Variants in METTL16 observed in about 807,000 individuals in gnomAD.
METTL16 encodes the protein RNA N(6)-adenosine-methyltransferase METTL16.
A neutral mutation model predicts 57.9 loss-of-function variants in METTL16; 19 were observed. The ratio of observed to expected loss-of-function variants is 0.33; its 90% CI spans 0.23 to 0.48. The LOEUF is 0.48. Ranked by LOEUF, METTL16 falls within the 20% of genes least tolerant of loss-of-function variation. The pLI, the probability that METTL16 is intolerant of heterozygous loss-of-function variation, is 0.99. For missense variants in METTL16, 434 were observed against 691.5 expected (o/e 0.63, Z 4.18); for synonymous variants, 246 against 255.6 (o/e 0.96, Z 0.36).
At chr17:2,491,737 T>C (rs958295981) in intron 2 of METTL16, among the ~76,000 whole-genome samples, 1 of 148,480 alleles carries the variant, frequency 6.7e-6, no homozygotes, top group Non-Finnish European at 1.5e-5. Context: ...TAGCCAGGCG[T>C]GGTGGTGGGA....
At chr17:2,429,320 A>G (rs190619903) in intron 8 of METTL16, among the ~76,000 whole-genome samples, 1 of 148,960 alleles carries the variant, frequency 6.7e-6, no homozygotes, top group Non-Finnish European at 1.5e-5. Context: ...TCCCAAGTAG[A>G]TGGGACTACA....
At chr17:2,488,664 A>G (rs2067361558) in intron 2 of METTL16, among the ~76,000 whole-genome samples, 1 of 152,230 alleles carries the variant, frequency 6.6e-6, no homozygotes, top group African/African-American at 2.4e-5. Context: ...GAAATAAGCG[A>G]GTCAAAAACA....
At chr17:2,435,440 G>GA (rs1467138484) in intron 8 of METTL16, among the ~76,000 whole-genome samples, 1 of 152,146 alleles carries the variant, frequency 6.6e-6, no homozygotes, top group Non-Finnish European at 1.5e-5. Flanking sequence ...CGAGGGTGGG[G>GA]AGAGAGGTCT....
chr17:2,484,041 C>T (rs367581343), intron 2 of METTL16, among the ~76,000 whole-genome samples: 50 of 152,080 alleles, frequency 3.3e-4, no homozygotes, highest in African/African-American at 1.1e-3. Flanking sequence ...ATATCTCAAA[C>T]GTAAAATTTC....
chr17:2,436,311 T>G (rs183531341), intron 8 of METTL16, among the ~76,000 whole-genome samples: 6 of 152,254 alleles, frequency 3.9e-5, no homozygotes, highest in South Asian at 2.1e-4. Context: ...CTAGATAACT[T>G]ACTGCACTGT....
At chr17:2,462,157 A>C (rs973136614) in intron 6 of METTL16, among the ~76,000 whole-genome samples, 2 of 152,238 alleles carry the variant, frequency 1.3e-5, no homozygotes, top group Non-Finnish European at 2.9e-5. Context: ...AAAAGGAAGA[A>C]AATTCTGAAA....
chr17:2,511,737 G>T, intron 1 of METTL16, 22 bp downstream of exon 1: 2 of 398,160 alleles, frequency 5.0e-6, no homozygotes, highest in Non-Finnish European at 4.4e-6. Flanking sequence ...GTAAATCTGC[G>T]TGAGAGATAT....
In METTL16 at chr17:2,429,972, G is replaced by A. The variant is rs138437958; in HGVS notation, c.888+8137C>T. Among the ~76,000 whole-genome samples, 349 of 150,244 alleles carry A rather than the reference G, an allele frequency of 2.3e-3. 7 individuals are homozygous for A. The East Asian group carries it at 0.054, about 23-fold the overall frequency. On this transcript the variant is annotated intron_variant, in intron 8 of 9. Transcript: ENST00000263092. ...ATTACAGGCGCCCGCCACCATGCCC[G>A]GCTAATTTTTTTCTATTTTTAGTGG...
rs1298813483 is a variant in METTL16 at position 2,464,329 on chromosome 17, G to A, written c.607C>T (p.Arg203Ter). Residue 203 changes from arginine to a stop codon, truncating the protein, a stop_gained, in exon 6 of 10, where the codon CGA (arginine) becomes TGA (stop). Coordinates refer to ENST00000263092, the MANE Select transcript of METTL16 (RefSeq NM_024086.4). LOFTEE classifies it high-confidence loss of function. ...EAKGVNSRNP[R>*]RPPPSSVNTG... ...TTAACAGAACTAGGCGGAGGTCTTCGAGGATTTCGTGAGTTTACTCCCTGA... is the reference window on the plus strand; with the variant it reads ...TTAACAGAACTAGGCGGAGGTCTTCAAGGATTTCGTGAGTTTACTCCCTGA... 1.2e-6 allele frequency: 2 copies of A among 1,606,242 alleles called. No homozygotes were observed. Among genetic ancestry groups the A allele is most frequent in the South Asian group, 2.3e-5 (2 of 88,838 alleles).
At chr17:2,431,277 T>C (rs1052508387) in intron 8 of METTL16, among the ~76,000 whole-genome samples, 4 of 152,212 alleles carry the variant, frequency 2.6e-5, no homozygotes, top group African/African-American at 7.2e-5. Flanking sequence ...ATGGGATTCA[T>C]TCATATTGTT....
intron 8 of METTL16, among the ~76,000 whole-genome samples, chr17:2,423,561 G>A (rs1041078882): frequency 6.6e-6 from 1 of 152,072 alleles, no homozygotes; most frequent in African/African-American, 2.4e-5. Context: ...GAGGATGATG[G>A]GGGTGGAGAA....
At chr17:2,427,832 T>C (rs1181403497) in intron 8 of METTL16, among the ~76,000 whole-genome samples, 3 of 151,772 alleles carry the variant, frequency 2.0e-5, no homozygotes, top group African/African-American at 7.3e-5. Flanking sequence ...AGCAAGTATA[T>C]GCTGGGTACA....
rs1223305227 is a variant in METTL16 at position 2,444,964 on chromosome 17, CTT to C, written c.729-3407_729-3406del. Reference sequence around the variant, plus strand: ...CTCCTGACCTCAGGTGTTCCACCCACTTAGGCCTCTCAAAGTGCTGGAATTAG... The same window carrying C: ...CTCCTGACCTCAGGTGTTCCACCCACAGGCCTCTCAAAGTGCTGGAATTAG... On this transcript the variant is annotated intron_variant, in intron 6 of 9. Coordinates refer to ENST00000263092, the MANE Select transcript of METTL16 (RefSeq NM_024086.4). Among the ~76,000 whole-genome samples the C allele has an allele frequency of 3.3e-5, 5 of 152,050 alleles. No homozygotes were observed. The East Asian group carries it at 7.7e-4, about 23-fold the overall frequency.
At chr17:2,426,236 T>A (rs1253543220) in intron 8 of METTL16, among the ~76,000 whole-genome samples, 1 of 152,074 alleles carries the variant, frequency 6.6e-6, no homozygotes, top group Non-Finnish European at 1.5e-5. Context: ...GTCTGTTTTT[T>A]AAAAGAGATA....
intron 8 of METTL16, among the ~76,000 whole-genome samples, chr17:2,430,784 C>T (rs1488482681): frequency 3.3e-5 from 5 of 151,960 alleles, no homozygotes; most frequent in African/African-American, 1.2e-4. Flanking sequence ...CTGTTATAAA[C>T]GTTAAGTCTT....
intron 2 of METTL16, among the ~76,000 whole-genome samples, chr17:2,482,623 C>G (rs1408936763): frequency 6.6e-6 from 1 of 152,210 alleles, no homozygotes; most frequent in African/African-American, 2.4e-5. Context: ...GGAAGATAAA[C>G]TGGCTGGGCC....
chr17:2,436,232 C>T (rs962569808), intron 8 of METTL16, among the ~76,000 whole-genome samples: 2 of 152,014 alleles, frequency 1.3e-5, no homozygotes, highest in African/African-American at 2.4e-5. Context: ...GATAATTCTT[C>T]GGGGTGGTGA....
At chr17:2,447,241 T>G (rs1344530191) in intron 6 of METTL16, among the ~76,000 whole-genome samples, 1 of 146,848 alleles carries the variant, frequency 6.8e-6, no homozygotes, top group Non-Finnish European at 1.5e-5. Flanking sequence ...CCGCCCTGTC[T>G]GGGATGTGAG....
At chr17:2,488,933 T>C (rs1597466782) in intron 2 of METTL16, among the ~76,000 whole-genome samples, 1 of 152,298 alleles carries the variant, frequency 6.6e-6, no homozygotes, top group East Asian at 1.9e-4. Context: ...GAAGAAAATG[T>C]CCACTTTTTA....
Sources: allele counts gnomAD v4.1 joint callset (sites outside exome capture counted in the v4.1 genomes callset), GRCh38; gene constraint gnomAD v4.1.1; transcripts MANE v1.5; gene names NCBI Gene and HGNC (gene_info 2026-07-23, HGNC 2026-07-21).